TMEM232: variants seen among roughly 807,000 people sequenced by gnomAD.
TMEM232 encodes the protein transmembrane protein 232.
A neutral mutation model predicts 78.8 loss-of-function variants in TMEM232; 80 were observed. The ratio of observed to expected loss-of-function variants is 1.01; its 90% confidence interval spans 0.85 to 1.22. TMEM232 has a LOEUF of 1.22. TMEM232 is among the 50% of genes most tolerant of loss of function. The pLI is 0.00. For missense variants in TMEM232, 881 were observed against 742.2 expected (o/e 1.19, Z -2.17); for synonymous variants, 297 against 254.3 (o/e 1.17, Z -1.60).
Position 110,420,749 on chromosome 5 carries a change from T to TCC in TMEM232, c.1803_1804dup (p.Glu602GlyfsTer4), listed in dbSNP as rs1417295564. 1.3e-6 allele frequency: 2 copies of TCC among 1,521,558 alleles called. No individual in the cohort carries two copies. 94.3% of individuals were successfully genotyped at this position (1,521,558 alleles called of 1,614,324 possible). ...TTCTTTTTCTCGGATCTTTAGCTCT[T>TCC]CCTGCCACTGTTACAGAGAGAAAAC... On this transcript the variant is annotated frameshift_variant, in exon 14 of 14. Transcript: ENST00000455884. LOFTEE classifies it low-confidence loss of function (END_TRUNC).
At chr5:110,584,571 C>T (rs1383520271) in intron 10 of TMEM232, among the ~76,000 whole-genome samples, 1 of 152,034 alleles carries the variant, frequency 6.6e-6, no homozygotes, top group Non-Finnish European at 1.5e-5. Flanking sequence ...TAGAGATCTG[C>T]TGTAAAACAT....
At chr5:110,457,934 C>A (rs1761071517) in intron 12 of TMEM232, among the ~76,000 whole-genome samples, 1 of 151,808 alleles carries the variant, frequency 6.6e-6, no homozygotes, top group South Asian at 2.1e-4. Flanking sequence ...TTATCATAAA[C>A]CCCTTAAGGA....
chr5:110,564,519 A>G (rs1776107047), intron 11 of TMEM232, among the ~76,000 whole-genome samples: 1 of 152,006 alleles, frequency 6.6e-6, no homozygotes, highest in African/African-American at 2.4e-5. Flanking sequence ...TTTGCAACAT[A>G]CTGTGTAATG....
intron 1 of TMEM232, among the ~76,000 whole-genome samples, chr5:110,723,068 A>C (rs548246993): frequency 1.3e-5 from 2 of 152,294 alleles, no homozygotes; most frequent in African/African-American, 4.8e-5. Context: ...TTCTGAAAGA[A>C]ACTTGCAGAT....
intron 10 of TMEM232, among the ~76,000 whole-genome samples, chr5:110,573,205 G>T (rs1192807859): frequency 1.3e-5 from 2 of 151,968 alleles, no homozygotes; most frequent in South Asian, 2.1e-4. Context: ...CCCTTTGATA[G>T]ACTTTAATTG....
chr5:110,681,685 A>T (rs1271823542), intron 1 of TMEM232, among the ~76,000 whole-genome samples: 1 of 152,228 alleles, frequency 6.6e-6, no homozygotes, highest in Non-Finnish European at 1.5e-5. Context: ...TTGCCAGAAG[A>T]GATTAGCAAA....
At chr5:110,525,668 G>T (rs1770474593) in intron 12 of TMEM232, among the ~76,000 whole-genome samples, 1 of 151,548 alleles carries the variant, frequency 6.6e-6, no homozygotes, top group African/African-American at 2.4e-5. Context: ...TAGATTGTTA[G>T]AAGTAGACAA....
chr5:110,488,016 C>G (rs1251678549), intron 12 of TMEM232, among the ~76,000 whole-genome samples: 1 of 151,906 alleles, frequency 6.6e-6, no homozygotes, highest in Non-Finnish European at 1.5e-5. Context: ...TTTTAATTAC[C>G]ATTTCAGTCT....
At chr5:110,390,985 C>T (rs964992317) in intron 3 of TMEM232, among the ~76,000 whole-genome samples, 2 of 152,298 alleles carry the variant, frequency 1.3e-5, no homozygotes, top group African/African-American at 2.4e-5. Flanking sequence ...TGCCTCTGAC[C>T]GGAGTTAGAA....
Position 110,528,829 on chromosome 5 carries a change from ACT to A in TMEM232, c.1460_1461del (p.Glu487ValfsTer3). The A allele has an allele frequency of 6.9e-7, 1 of 1,447,350 alleles. No homozygotes were observed. Among genetic ancestry groups the A allele is most frequent in the Admixed American group, 2.4e-5 (1 of 41,686 alleles). The allele number at this position is 1,447,350 out of a possible 1,614,324, so 89.7% of individuals were successfully genotyped here. A position where few individuals can be genotyped will look rare whatever the true frequency, so the allele number is the denominator to read the frequency against. ...IQNAINIAQA[E>X]LNDPTDPFTR... Reference sequence around the variant, plus strand: ...GTGAAAGGATCAGTTGGGTCATTTAACTCAGCCTGTTGAAAGAAAAGAGAAAG... The same window carrying A: ...GTGAAAGGATCAGTTGGGTCATTTAACAGCCTGTTGAAAGAAAAGAGAAAG... On this transcript the variant is annotated frameshift_variant, in exon 12 of 14. Transcript: ENST00000455884. LOFTEE classifies it high-confidence loss of function.
At chr5:110,725,274 C>CAT (rs542887911) in intron 1 of TMEM232, among the ~76,000 whole-genome samples, 61 of 152,290 alleles carry the variant, frequency 4.0e-4, no homozygotes, top group African/African-American at 1.5e-3. Flanking sequence ...TTAATATTCT[C>CAT]ATATATACTC....
intron 11 of TMEM232, among the ~76,000 whole-genome samples, chr5:110,541,003 C>T (rs1343160612): frequency 6.6e-6 from 1 of 152,132 alleles, no homozygotes; most frequent in Admixed American, 6.6e-5. Flanking sequence ...AAGCCAAAGG[C>T]ACAACCTTCA....
intron 11 of TMEM232, among the ~76,000 whole-genome samples, chr5:110,567,453 C>T (rs964997281): frequency 2.0e-5 from 3 of 151,546 alleles, no homozygotes; most frequent in Admixed American, 2.0e-4. Flanking sequence ...TTGAAAAAAA[C>T]AGATGTTTCT....
chr5:110,620,502 C>T (rs1481088715), intron 7 of TMEM232, among the ~76,000 whole-genome samples: 1 of 151,638 alleles, frequency 6.6e-6, no homozygotes, highest in African/African-American at 2.4e-5. Context: ...CAAATAAAGT[C>T]CAAATCCTCT....
At chr5:110,600,661 G>A (rs947373041) in intron 10 of TMEM232, among the ~76,000 whole-genome samples, 1 of 151,738 alleles carries the variant, frequency 6.6e-6, no homozygotes, top group Admixed American at 6.6e-5. Context: ...TGAAATTGAG[G>A]CAGTAATAGC....
intron 11 of TMEM232, among the ~76,000 whole-genome samples, chr5:110,548,794 A>G (rs1415430589): frequency 6.6e-6 from 1 of 152,150 alleles, no homozygotes; most frequent in Non-Finnish European, 1.5e-5. Flanking sequence ...AAATTAAAAG[A>G]TGGAAATAGA....
chr5:110,495,650 A>G (rs1227177587), intron 12 of TMEM232, among the ~76,000 whole-genome samples: 3 of 151,922 alleles, frequency 2.0e-5, no homozygotes, highest in African/African-American at 7.2e-5. Context: ...ACATATTAGT[A>G]TAACAATAAA....
At chr5:110,640,474 G>C (rs892311840) in intron 4 of TMEM232, among the ~76,000 whole-genome samples, 1 of 152,010 alleles carries the variant, frequency 6.6e-6, no homozygotes, top group African/African-American at 2.4e-5. Context: ...AAATGAAAAG[G>C]TAATGAGTAA....
chr5:110,694,145 A>G (rs1215701918), intron 1 of TMEM232, among the ~76,000 whole-genome samples: 5 of 152,314 alleles, frequency 3.3e-5, no homozygotes, highest in African/African-American at 1.2e-4. Context: ...GTGAGGGCCA[A>G]TATTCAACAT....
Sources: allele counts gnomAD v4.1 joint callset (sites outside exome capture counted in the v4.1 genomes callset), GRCh38; gene constraint gnomAD v4.1.1; transcripts MANE v1.5; gene names NCBI Gene and HGNC (gene_info 2026-07-23, HGNC 2026-07-21).